ACSS3: variants seen among roughly 807,000 people sequenced by gnomAD.
The protein encoded by ACSS3 is acyl-CoA synthetase short chain family member 3, also known as acyl-CoA synthetase short-chain family member 3, mitochondrial.
ACSS3 carries 64 observed loss-of-function variants against 84.2 expected under a neutral mutation model. The ratio of observed to expected loss-of-function variants is 0.76; its 90% confidence interval spans 0.62 to 0.94. The LOEUF (loss-of-function observed/expected upper bound fraction) is 0.94, where lower values mean the gene tolerates loss of function less well. Among genes scored for constraint, ACSS3 ranks in the 40% least tolerant of loss-of-function variants. ACSS3 has a pLI of 0.00. For synonymous variants in ACSS3, 317 were observed against 310.1 expected (o/e 1.02, Z -0.23); for missense variants, 815 against 867.6 (o/e 0.94, Z 0.76).
At chr12:81,080,359 A>G (rs533012450) in intron 1 of ACSS3, among the ~76,000 whole-genome samples, 4 of 151,620 alleles carry the variant, frequency 2.6e-5, no homozygotes, top group Admixed American at 6.6e-5. Flanking sequence ...GCTTGTCTAC[A>G]TTTTTTTAAA....
intron 9 of ACSS3, among the ~76,000 whole-genome samples, chr12:81,213,959 CTTTCTT>C (rs1485003108): frequency 1.6e-4 from 12 of 75,918 alleles, no homozygotes; most frequent in Admixed American, 4.8e-4. Context: ...CCCTCTCTCT[CTTTCTT>C]TCTTTCTTTC....
intron 8 of ACSS3, among the ~76,000 whole-genome samples, chr12:81,182,208 A>C (rs1486009580): frequency 6.6e-6 from 1 of 152,244 alleles, no homozygotes; most frequent in African/African-American, 2.4e-5. Flanking sequence ...CAGATTTCTC[A>C]GTAGAAGCCT....
In ACSS3 at chr12:81,231,077, CT is replaced by C; in HGVS notation, c.1540del (p.Ser514GlnfsTer45). On this transcript the variant is annotated frameshift_variant, in exon 12 of 16. Coordinates refer to ENST00000548058, the MANE Select transcript of ACSS3 (RefSeq NM_024560.4). LOFTEE classifies it high-confidence loss of function. ...IVVKLPLPPGAFSGLWKNQEA... is the reference protein window; with the variant it reads ...IVVKLPLPPGXFSGLWKNQEA... ...ATAAGGTTACCATTGCCACCTGGGG[CT>C]TTTTCAGGACTCTGGAAGAATCAGG... 6.2e-7 allele frequency: 1 copy of C among 1,610,634 alleles called. No homozygotes were observed. The highest frequency in any genetic ancestry group is 8.5e-7 in the Non-Finnish European group (1 of 1,178,102).
At chr12:81,162,501 T>C (rs551166274) in intron 7 of ACSS3, among the ~76,000 whole-genome samples, 1 of 152,156 alleles carries the variant, frequency 6.6e-6, no homozygotes, top group South Asian at 2.1e-4. Context: ...TGCATGCTGA[T>C]TGGCCTATTA....
intron 1 of ACSS3, among the ~76,000 whole-genome samples, chr12:81,088,601 ATTC>A (rs1881473725): frequency 6.6e-6 from 1 of 151,960 alleles, no homozygotes; most frequent in Non-Finnish European, 1.5e-5. Context: ...GCCAATTTTT[ATTC>A]TTGTTTAAAG....
chr12:81,149,500 C>G (rs748738515), intron 5 of ACSS3, among the ~76,000 whole-genome samples: 9 of 152,042 alleles, frequency 5.9e-5, no homozygotes, highest in Non-Finnish European at 1.2e-4. Flanking sequence ...AATATGAAAC[C>G]ATGCATTTCT....
intron 12 of ACSS3, 97 bp downstream of exon 12, chr12:81,231,235 A>G: frequency 2.9e-6 from 3 of 1,045,906 alleles, no homozygotes; most frequent in Non-Finnish European, 4.1e-6. Flanking sequence ...GTAGATCAAA[A>G]AGAAACTTTT....
At chr12:81,169,358 C>T (rs1352876968) in intron 7 of ACSS3, among the ~76,000 whole-genome samples, 2 of 152,136 alleles carry the variant, frequency 1.3e-5, no homozygotes, top group African/African-American at 4.8e-5. Context: ...GGACAATTAT[C>T]CCATTTGGCT....
At chr12:81,132,396 A>G (rs1269992705) in intron 2 of ACSS3, among the ~76,000 whole-genome samples, 1 of 151,750 alleles carries the variant, frequency 6.6e-6, no homozygotes, top group African/African-American at 2.4e-5. Context: ...TTTCTTCTAG[A>G]TTTTCTAGTT....
intron 8 of ACSS3, among the ~76,000 whole-genome samples, chr12:81,175,839 G>C (rs2030430805): frequency 6.6e-6 from 1 of 152,032 alleles, no homozygotes; most frequent in Non-Finnish European, 1.5e-5. Flanking sequence ...AGATTCTCTG[G>C]GTCATAACTA....
chr12:81,130,325 G>T (rs1593104075), intron 2 of ACSS3, among the ~76,000 whole-genome samples: 1 of 152,216 alleles, frequency 6.6e-6, no homozygotes, highest in East Asian at 1.9e-4. Flanking sequence ...ATTCTAACTG[G>T]TGTGAGATAG....
At chr12:81,176,438 G>A (rs1439426212) in intron 8 of ACSS3, among the ~76,000 whole-genome samples, 1 of 152,008 alleles carries the variant, frequency 6.6e-6, no homozygotes, top group Non-Finnish European at 1.5e-5. Context: ...GTGTGGTGGT[G>A]TGGGCCTGAC....
intron 8 of ACSS3, among the ~76,000 whole-genome samples, chr12:81,196,323 T>C (rs2031826716): frequency 6.6e-6 from 1 of 152,196 alleles, no homozygotes; most frequent in Admixed American, 6.5e-5. Context: ...TATTGAGCTC[T>C]TGAAATGTGG....
intron 13 of ACSS3, among the ~76,000 whole-genome samples, chr12:81,248,194 C>T (rs900749153): frequency 9.2e-5 from 14 of 151,884 alleles, no homozygotes; most frequent in African/African-American, 3.1e-4. Context: ...TCTTGCAATC[C>T]CACTACTGGG....
chr12:81,222,336 G>A (rs567790073), intron 11 of ACSS3, among the ~76,000 whole-genome samples: 1 of 151,646 alleles, frequency 6.6e-6, no homozygotes, highest in Non-Finnish European at 1.5e-5. Context: ...AGAAATAATC[G>A]GAAAACAAAG....
At chr12:81,237,023 C>T (rs2033652695) in intron 13 of ACSS3, among the ~76,000 whole-genome samples, 1 of 151,424 alleles carries the variant, frequency 6.6e-6, no homozygotes, top group South Asian at 2.1e-4. Flanking sequence ...AGCCGTCCTT[C>T]CTGAAGGCTC....
intron 7 of ACSS3, among the ~76,000 whole-genome samples, chr12:81,167,535 A>G (rs1887459783): frequency 6.6e-6 from 1 of 152,206 alleles, no homozygotes; most frequent in Non-Finnish European, 1.5e-5. Context: ...TCTTGTTGCA[A>G]GATGGTGCCT....
intron 1 of ACSS3, among the ~76,000 whole-genome samples, chr12:81,079,176 C>G (rs766878501): frequency 6.6e-6 from 1 of 152,166 alleles, no homozygotes; most frequent in Non-Finnish European, 1.5e-5. Context: ...GGAGTAAAGT[C>G]TTCCACCTGG....
At chr12:81,199,601 T>G in intron 9 of ACSS3, 157 bp downstream of exon 9, 1 of 1,488,304 alleles carries the variant, frequency 6.7e-7, no homozygotes, top group Non-Finnish European at 9.0e-7. Flanking sequence ...TTTTTATTGT[T>G]GTGTTATTAA....
Sources: gnomAD v4.1 joint callset for allele counts (sites outside exome capture counted in the v4.1 genomes callset) on GRCh38, gnomAD v4.1.1 for gene constraint, MANE v1.5 for transcripts, NCBI Gene and HGNC (gene_info 2026-07-23, HGNC 2026-07-21) for gene names.